LRBA: variants seen among roughly 807,000 people sequenced by gnomAD.
LRBA encodes the protein lipopolysaccharide-responsive and beige-like anchor protein.
Under a neutral mutation model 330.0 loss-of-function variants are expected in LRBA, and 176 were observed. The ratio of observed to expected loss-of-function variants is 0.53; its 90% CI spans 0.47 to 0.60. The LOEUF is 0.60. Ranked by LOEUF, LRBA falls within the 20% of genes least tolerant of loss-of-function variation. The pLI is 0.00. For synonymous variants in LRBA, 1,230 were observed against 1,193.0 expected, an observed-to-expected ratio of 1.03 and a Z score of -0.64; for missense variants, 3,259 against 3,444.8, an observed-to-expected ratio of 0.95 and a Z score of 1.35.
At chr4:150,640,820 A>G (rs2126722050) in intron 37 of LRBA, among the ~76,000 whole-genome samples, 1 of 152,290 alleles carries the variant, frequency 6.6e-6, no homozygotes, top group East Asian at 1.9e-4. Context: ...CAGGATATAA[A>G]ATAGGATCAA....
intron 22 of LRBA, among the ~76,000 whole-genome samples, chr4:150,864,817 T>G (rs921639063): frequency 1.3e-5 from 2 of 151,974 alleles, no homozygotes; most frequent in African/African-American, 4.8e-5. Flanking sequence ...CAGCTAATTT[T>G]TGTATTTTTA....
intron 48 of LRBA, among the ~76,000 whole-genome samples, chr4:150,337,311 T>C (rs1160846827): frequency 6.6e-6 from 1 of 152,080 alleles, no homozygotes; most frequent in Non-Finnish European, 1.5e-5. Context: ...AGGTAGTTAA[T>C]AGGAAAAAAA....
At chr4:150,285,319 A>G (rs1250444701) in intron 54 of LRBA, among the ~76,000 whole-genome samples, 1 of 152,242 alleles carries the variant, frequency 6.6e-6, no homozygotes, top group African/African-American at 2.4e-5. Context: ...AAACAGCTCC[A>G]TTCCTAGTCA....
At chr4:150,920,041 A>AG (rs59674326) in intron 5 of LRBA, among the ~76,000 whole-genome samples, 3 of 152,200 alleles carry the variant, frequency 2.0e-5, no homozygotes, top group African/African-American at 7.2e-5. Flanking sequence ...AAAACTGTAA[A>AG]GGAAAAAATT....
At chr4:150,745,760 C>T (rs1228422299) in intron 35 of LRBA, among the ~76,000 whole-genome samples, 8 of 152,054 alleles carry the variant, frequency 5.3e-5, no homozygotes, top group Non-Finnish European at 1.0e-4. Context: ...ATGATCTGCC[C>T]GCCTTGGCCT....
intron 14 of LRBA, 100 bp downstream of exon 14, chr4:150,899,949 A>C: frequency 1.2e-6 from 1 of 812,106 alleles, no homozygotes; most frequent in Non-Finnish European, 1.8e-6. Flanking sequence ...GGAATATAGA[A>C]AAACTGCCCA....
intron 2 of LRBA, among the ~76,000 whole-genome samples, chr4:150,932,797 C>A (rs1174602467): frequency 6.6e-6 from 1 of 151,454 alleles, no homozygotes; most frequent in African/African-American, 2.4e-5. Context: ...ACACCTTTAG[C>A]CCCATCTACT....
At chr4:150,829,925 T>C (rs1455677083) in intron 29 of LRBA, among the ~76,000 whole-genome samples, 2 of 152,208 alleles carry the variant, frequency 1.3e-5, no homozygotes, top group African/African-American at 4.8e-5. Flanking sequence ...CACTGTACCT[T>C]GTAATCATTT....
At chr4:150,377,839 T>C (rs927481541) in intron 47 of LRBA, among the ~76,000 whole-genome samples, 1 of 151,856 alleles carries the variant, frequency 6.6e-6, no homozygotes, top group African/African-American at 2.4e-5. Context: ...TACAAAAAAT[T>C]AGCCAGGCAT....
intron 17 of LRBA, among the ~76,000 whole-genome samples, chr4:150,873,976 T>C (rs1753728388): frequency 6.6e-6 from 1 of 152,208 alleles, no homozygotes; most frequent in Non-Finnish European, 1.5e-5. Context: ...AACTTAACAG[T>C]CAATCATTAG....
chr4:150,426,323 T>C (rs980041253), intron 46 of LRBA, among the ~76,000 whole-genome samples: 28 of 152,012 alleles, frequency 1.8e-4, no homozygotes, highest in African/African-American at 5.8e-4. Context: ...ATGTGGTTTT[T>C]AGATATTATA....
At chr4:150,880,763 A>G (rs1728285883) in intron 17 of LRBA, among the ~76,000 whole-genome samples, 1 of 152,202 alleles carries the variant, frequency 6.6e-6, no homozygotes. Flanking sequence ...GACAATCTAC[A>G]GAATGGGAAA....
intron 7 of LRBA, 91 bp downstream of exon 7, chr4:150,916,304 TGCTTTA>T (rs1468761445): frequency 9.8e-6 from 12 of 1,227,606 alleles, no homozygotes; most frequent in Non-Finnish European, 1.4e-5. Flanking sequence ...AACGAAGTTG[TGCTTTA>T]GCATGTTATT....
chr4:150,606,940 CAA>C (rs1188467791), intron 37 of LRBA, among the ~76,000 whole-genome samples: 1 of 152,168 alleles, frequency 6.6e-6, no homozygotes, highest in Admixed American at 6.5e-5. Flanking sequence ...AATAATTGAT[CAA>C]AGAGTAAACC....
chr4:150,840,921 A>G, intron 28 of LRBA: 1 of 1,103,490 alleles, frequency 9.1e-7, no homozygotes, highest in Non-Finnish European at 1.2e-6. Flanking sequence ...TTTGGATATA[A>G]TCAGTTTCAG....
intron 37 of LRBA, among the ~76,000 whole-genome samples, chr4:150,600,732 AAAAT>A (rs1286464595): frequency 2.0e-5 from 3 of 152,284 alleles, no homozygotes; most frequent in Admixed American, 6.5e-5. Context: ...ATATTATTTA[AAAAT>A]AAATAAATAC....
intron 44 of LRBA, among the ~76,000 whole-genome samples, chr4:150,459,086 T>C (rs1164836487): frequency 6.6e-6 from 1 of 151,916 alleles, no homozygotes; most frequent in Non-Finnish European, 1.5e-5. Context: ...AGCCAGTGAA[T>C]ATGTCCAAAG....
intron 37 of LRBA, among the ~76,000 whole-genome samples, chr4:150,637,851 T>C (rs955929681): frequency 6.6e-6 from 1 of 152,152 alleles, no homozygotes. Context: ...TATGAAATAA[T>C]AAGTGCATGA....
chr4:150,392,278 C>T (rs1744085116), intron 47 of LRBA, among the ~76,000 whole-genome samples: 2 of 152,102 alleles, frequency 1.3e-5, no homozygotes, highest in South Asian at 2.1e-4. Context: ...GATAAAGGTA[C>T]CAACATGGCC....
Sources: gnomAD v4.1 joint callset for allele counts (sites outside exome capture counted in the v4.1 genomes callset) on GRCh38, gnomAD v4.1.1 for gene constraint, MANE v1.5 for transcripts, NCBI Gene and HGNC (gene_info 2026-07-23, HGNC 2026-07-21) for gene names.